Variants in ZNF407 observed in about 807,000 individuals in gnomAD.
ZNF407 encodes the protein zinc finger protein 407.
ZNF407 carries 17 observed loss-of-function variants against 131.2 expected under a neutral mutation model. The observed-to-expected ratio is 0.13, with a 90% CI of 0.09 to 0.19. ZNF407 has a LOEUF of 0.19. Among genes scored for constraint, ZNF407 ranks in the 10% least tolerant of loss-of-function variants. The pLI is 1.00. For missense variants in ZNF407, 2,681 were observed against 2,830.6 expected, an observed-to-expected ratio of 0.95 and a Z score of 1.20; for synonymous variants, 1,156 against 1,062.0, an observed-to-expected ratio of 1.09 and a Z score of -1.72.
At chr18:74,983,566 C>G (rs1287355576) in intron 8 of ZNF407, among the ~76,000 whole-genome samples, 3 of 152,120 alleles carry the variant, frequency 2.0e-5, no homozygotes, top group Admixed American at 1.3e-4. Flanking sequence ...GTCAGTCGGT[C>G]TTTGGGTAGT....
At chr18:75,052,518 T>C (rs1237353489) in intron 8 of ZNF407, among the ~76,000 whole-genome samples, 1 of 152,178 alleles carries the variant, frequency 6.6e-6, no homozygotes, top group African/African-American at 2.4e-5. Flanking sequence ...AGCTTTATTT[T>C]TGGGACTGGG....
intron 3 of ZNF407, among the ~76,000 whole-genome samples, chr18:74,736,034 ACT>A (rs1406636357): frequency 3.3e-5 from 5 of 152,128 alleles, no homozygotes; most frequent in Admixed American, 2.0e-4. Context: ...GGAAAAGGTC[ACT>A]CTCATTTGCA....
At chr18:75,053,226 G>A (rs564101239) in intron 8 of ZNF407, among the ~76,000 whole-genome samples, 1 of 152,182 alleles carries the variant, frequency 6.6e-6, no homozygotes, top group Admixed American at 6.5e-5. Flanking sequence ...CTTAGTGCCG[G>A]CCGCACCCAG....
chr18:74,696,921 TAAAA>T (rs1214032239), intron 3 of ZNF407, among the ~76,000 whole-genome samples: 1 of 152,100 alleles, frequency 6.6e-6, no homozygotes, highest in Non-Finnish European at 1.5e-5. Flanking sequence ...GGTTGGCACA[TAAAA>T]AACAAATAAA....
intron 8 of ZNF407, among the ~76,000 whole-genome samples, chr18:74,993,269 C>T (rs1046087294): frequency 2.0e-5 from 3 of 152,176 alleles, no homozygotes; most frequent in African/African-American, 4.8e-5. Context: ...TGCCCATCAA[C>T]AGCAGATGAA....
intron 3 of ZNF407, among the ~76,000 whole-genome samples, chr18:74,706,067 T>C (rs1967617217): frequency 6.6e-6 from 1 of 152,214 alleles, no homozygotes; most frequent in African/African-American, 2.4e-5. Flanking sequence ...GGTATTCATA[T>C]ACATATCAGT....
chr18:75,054,031 G>T (rs1421667296), intron 8 of ZNF407, among the ~76,000 whole-genome samples: 1 of 152,226 alleles, frequency 6.6e-6, no homozygotes, highest in East Asian at 1.9e-4. Flanking sequence ...GCCTCAAAGA[G>T]CCCGGGCCTT....
At chr18:74,797,819 T>C (rs1024180591) in intron 4 of ZNF407, among the ~76,000 whole-genome samples, 1 of 152,142 alleles carries the variant, frequency 6.6e-6, no homozygotes, top group Non-Finnish European at 1.5e-5. Flanking sequence ...AGGCATTTTT[T>C]TTTTTTTTTT....
chr18:74,631,493 T>G lies in ZNF407; in HGVS notation c.474T>G (p.Val158=), dbSNP rs1330651443. ...DTEKTSAQEM[V]SLDLERESPF... is the part of the protein sequence containing the mutation. The stretch of plus-strand genomic sequence containing the variant: ...AAAAAACATCTGCTCAGGAAATGGT[T>G]TCCCTTGATCTGGAAAGAGAATCTC... Residue 158 remains valine (V), a synonymous_variant, in exon 2 of 9, where the codon GTT becomes GTG. Transcript: ENST00000299687. The G allele has an allele frequency of 6.2e-7, 1 of 1,613,978 alleles. No homozygotes were observed. Among genetic ancestry groups the G allele is most frequent in the South Asian group, 1.1e-5 (1 of 91,086 alleles).
chr18:74,854,394 T>C (rs1970831195), intron 4 of ZNF407, among the ~76,000 whole-genome samples: 1 of 152,198 alleles, frequency 6.6e-6, no homozygotes, highest in South Asian at 2.1e-4. Context: ...TGGAGACAAA[T>C]AAGCATCTCT....
intron 1 of ZNF407, among the ~76,000 whole-genome samples, chr18:74,601,192 T>A (rs1423467533): frequency 6.6e-6 from 1 of 152,170 alleles, no homozygotes; most frequent in Non-Finnish European, 1.5e-5. Context: ...CCCAGTAAGA[T>A]ACTTCAGTGT....
chr18:74,733,477 A>G (rs1395226607), intron 3 of ZNF407, among the ~76,000 whole-genome samples: 2 of 152,160 alleles, frequency 1.3e-5, no homozygotes, highest in Non-Finnish European at 1.5e-5. Context: ...AAAAAATGTT[A>G]TTGCTATTCC....
At chr18:74,649,157 C>G (rs1985109793) in intron 3 of ZNF407, among the ~76,000 whole-genome samples, 2 of 152,180 alleles carry the variant, frequency 1.3e-5, no homozygotes, top group Admixed American at 1.3e-4. Context: ...GCTATTTCCA[C>G]TCAATTTTAA....
At chr18:74,771,588 C>G (rs1488864485) in intron 3 of ZNF407, among the ~76,000 whole-genome samples, 1 of 151,684 alleles carries the variant, frequency 6.6e-6, no homozygotes, top group Admixed American at 6.6e-5. Context: ...ATGTTAACAA[C>G]AAATTATAGT....
intron 8 of ZNF407, among the ~76,000 whole-genome samples, chr18:75,032,122 C>A (rs762789604): frequency 1.2e-4 from 19 of 152,296 alleles, no homozygotes; most frequent in Admixed American, 7.8e-4. Context: ...GAGCTCCCCC[C>A]ACACTGAGGG....
intron 1 of ZNF407, among the ~76,000 whole-genome samples, chr18:74,607,106 T>G (rs73973918): frequency 0.03 from 4,523 of 152,242 alleles, 202 homozygotes; most frequent in African/African-American, 0.097. Flanking sequence ...AGAACAAGGA[T>G]TAGAAGCAGG....
intron 8 of ZNF407, among the ~76,000 whole-genome samples, chr18:74,982,616 G>A (rs1972605712): frequency 6.6e-6 from 1 of 152,174 alleles, no homozygotes; most frequent in Non-Finnish European, 1.5e-5. Flanking sequence ...CAGTAATCAG[G>A]GCGTTGCCTG....
chr18:74,812,144 C>T (rs1970206274), intron 4 of ZNF407, among the ~76,000 whole-genome samples: 1 of 146,432 alleles, frequency 6.8e-6, no homozygotes, highest in African/African-American at 2.5e-5. Context: ...AGTAGCATGG[C>T]AGACTCTCTG....
rs551041054 is a variant in ZNF407 at position 75,028,847 on chromosome 18, T to C, written c.5429-34303T>C. Among the ~76,000 whole-genome samples the C allele has an allele frequency of 2.0e-5, 3 of 152,312 alleles. No individual in the cohort carries two copies. In the South Asian group the frequency reaches 6.2e-4, roughly 32 times the overall value. On this transcript the variant is annotated intron_variant, in intron 8 of 8. Coordinates refer to ENST00000299687, the MANE Select transcript of ZNF407 (RefSeq NM_017757.3). ...TTACATTTGTGTCTGTCTCCTGAAG[T>C]AGGCAGAAGGAGGGCTCTGCATCTG...
Sources: gnomAD v4.1 joint callset for allele counts (sites outside exome capture counted in the v4.1 genomes callset) on GRCh38, gnomAD v4.1.1 for gene constraint, MANE v1.5 for transcripts, NCBI Gene and HGNC (gene_info 2026-07-23, HGNC 2026-07-21) for gene names.